Variants in TMCO4 observed in about 807,000 individuals in gnomAD.
The protein encoded by TMCO4 is transmembrane and coiled-coil domain-containing protein 4.
Under a neutral mutation model 64.7 loss-of-function variants are expected in TMCO4, and 58 were observed. The ratio of observed to expected loss-of-function variants is 0.90; its 90% CI spans 0.73 to 1.12. The LOEUF is 1.12. Among genes scored for constraint, TMCO4 ranks in the 50% most tolerant of loss-of-function variants. TMCO4 has a pLI of 0.00. For synonymous variants in TMCO4, 325 were observed against 346.1 expected (o/e 0.94, Z 0.68); for missense variants, 780 against 825.9 (o/e 0.94, Z 0.68).
At chr1:19,759,296 C>CAGCCCT (rs1340041943) in intron 6 of TMCO4, among the ~76,000 whole-genome samples, 2 of 152,044 alleles carry the variant, frequency 1.3e-5, no homozygotes, top group African/African-American at 2.4e-5. Flanking sequence ...GCCACAGCCA[C>CAGCCCT]AGCCCTCGCT....
chr1:19,718,865 G>A (rs1013555338), intron 13 of TMCO4, among the ~76,000 whole-genome samples: 2 of 152,042 alleles, frequency 1.3e-5, no homozygotes, highest in African/African-American at 4.8e-5. Context: ...GAATGCGGCG[G>A]CACCAACTAA....
At chr1:19,730,575 A>G (rs914862835) in intron 13 of TMCO4, among the ~76,000 whole-genome samples, 2 of 152,216 alleles carry the variant, frequency 1.3e-5, no homozygotes, top group Non-Finnish European at 2.9e-5. Context: ...CTCAACACTT[A>G]TTTGAAAGGA....
chr1:19,748,345 T>G (rs2041878962), intron 7 of TMCO4, among the ~76,000 whole-genome samples: 1 of 152,208 alleles, frequency 6.6e-6, no homozygotes, highest in Non-Finnish European at 1.5e-5. Context: ...TTGTAAGGAT[T>G]AAATTCATTC....
intron 10 of TMCO4, among the ~76,000 whole-genome samples, chr1:19,742,867 T>C (rs750033161): frequency 6.6e-6 from 1 of 152,088 alleles, no homozygotes; most frequent in Non-Finnish European, 1.5e-5. Context: ...CTGGCCAACA[T>C]GGTGAAACCC....
intron 13 of TMCO4, among the ~76,000 whole-genome samples, chr1:19,719,592 G>C (rs143964611): frequency 6.6e-6 from 1 of 152,102 alleles, no homozygotes; most frequent in Non-Finnish European, 1.5e-5. Context: ...ACAGTGGTGC[G>C]ATCATAGCCT....
At chr1:19,782,007 G>A (rs947250459) in intron 3 of TMCO4, among the ~76,000 whole-genome samples, 13 of 152,170 alleles carry the variant, frequency 8.5e-5, no homozygotes, top group African/African-American at 3.1e-4. Flanking sequence ...TTTGGAAAAT[G>A]GTTTGACAAT....
chr1:19,700,927 A>G, intron 13 of TMCO4, 42 bp from the exon 14 acceptor site: 1 of 1,560,704 alleles, frequency 6.4e-7, no homozygotes, highest in South Asian at 1.1e-5. Context: ...GTCCCTGGCC[A>G]CATTGGGTGC....
In TMCO4 at chr1:19,739,809, G is replaced by A. The variant is rs774756780; in HGVS notation, c.1179+15C>T. ...TCTTGCTCAATGCCACGCCCACACA[G>A]CCATTCCCAGGTACCTGCTGCCGGG... On this transcript the variant is annotated intron_variant, in intron 12 of 15. Transcript: ENST00000294543. 3.1e-6 allele frequency: 5 copies of A among 1,611,048 alleles called. No individual in the cohort carries two copies. The highest frequency in any genetic ancestry group is 4.2e-6 in the Non-Finnish European group (5 of 1,178,826).
chr1:19,683,141 G>T lies in TMCO4; in HGVS notation c.1804C>A (p.Pro602Thr), dbSNP rs761921772. 1 of 1,614,034 alleles carries T rather than the reference G, an allele frequency of 6.2e-7. No individual in the cohort carries two copies. Among genetic ancestry groups the T allele is most frequent in the South Asian group, 1.1e-5 (1 of 91,076 alleles). The part of the protein sequence containing the change: ...EGASLPAAAS[P>T]ERPPICSHGM... ...TGGCTGCAGATGGGGGGCCTTTCAG[G>T]GCTGGCAGCAGCAGGAAGGGAGGCC... is the stretch of plus-strand genomic sequence containing the variant. The change falls in exon 16 of 16, where the codon CCT (proline) becomes ACT (threonine). Residue 602 changes from proline to threonine, a missense_variant. Physicochemically the swap from Pro to Thr is conservative, Grantham distance 38. Transcript: ENST00000294543.
chr1:19,751,426 T>C (rs2100914046), intron 7 of TMCO4, among the ~76,000 whole-genome samples: 1 of 152,138 alleles, frequency 6.6e-6, no homozygotes, highest in Non-Finnish European at 1.5e-5. Context: ...GGTGAAATGC[T>C]GTCCCTAGAA....
At chr1:19,715,939 C>T (rs1209358124) in intron 13 of TMCO4, among the ~76,000 whole-genome samples, 1 of 152,110 alleles carries the variant, frequency 6.6e-6, no homozygotes, top group East Asian at 1.9e-4. Flanking sequence ...CCCTGGAGTC[C>T]CTGAGATGGA....
chr1:19,771,523 G>C, intron 4 of TMCO4, 41 bp from the exon 5 acceptor site: 1 of 1,599,450 alleles, frequency 6.3e-7, no homozygotes, highest in Non-Finnish European at 8.5e-7. Context: ...GATCCTCAGA[G>C]CTCAGCCTCC....
At chr1:19,771,150 G>T (rs2042961487) in intron 5 of TMCO4, among the ~76,000 whole-genome samples, 158 bp downstream of exon 5, 1 of 152,140 alleles carries the variant, frequency 6.6e-6, no homozygotes, top group African/African-American at 2.4e-5. Flanking sequence ...ATTCAATAAT[G>T]ATAATTCAAC....
At chr1:19,694,352 C>T (rs2095220174) in intron 15 of TMCO4, 82 bp downstream of exon 15, 3 of 1,228,006 alleles carry the variant, frequency 2.4e-6, no homozygotes, top group Non-Finnish European at 3.5e-6. Flanking sequence ...AGGCTGGGGC[C>T]ACTGTCTCCA....
chr1:19,770,150 A>G (rs1398075142), intron 6 of TMCO4, among the ~76,000 whole-genome samples: 2 of 152,198 alleles, frequency 1.3e-5, no homozygotes, highest in Admixed American at 1.3e-4. Flanking sequence ...CTTTGAAAAG[A>G]ACACTCTAGC....
chr1:19,798,049 G>C (rs181127790), intron 2 of TMCO4, 88 bp downstream of exon 2: 1 of 176,892 alleles, frequency 5.7e-6, no homozygotes, highest in Non-Finnish European at 1.1e-5. Flanking sequence ...GCCAGAGCGG[G>C]GTTTTAGGCA....
Position 19,745,535 on chromosome 1 carries a change from A to G in TMCO4, c.874T>C (p.Tyr292His). The change falls in exon 10 of 16, where the codon TAC becomes CAC. Residue 292 changes from tyrosine to histidine, a missense_variant. Transcript: ENST00000294543. Reference protein sequence around the residue: ...AVTGWLASGKYRTFSAPWAAL... With the variant: ...AVTGWLASGKHRTFSAPWAAL... ...TTCTGGTCCTCCTGGTCCTCACGGT[A>G]TTTGCCAGAAGCGAGCCACCCCGTG... 6.2e-7 allele frequency: 1 copy of G among 1,613,926 alleles called. No individual in the cohort carries two copies. The highest frequency in any genetic ancestry group is 1.7e-5 in the Admixed American group (1 of 59,996).
intron 12 of TMCO4, 49 bp from the exon 13 acceptor site, chr1:19,737,505 A>G (rs1026573418): frequency 1.3e-6 from 2 of 1,582,900 alleles, no homozygotes; most frequent in African/African-American, 2.7e-5. Flanking sequence ...TGCCAGTTCT[A>G]GCAAAACATC....
rs1043298155 is a variant in TMCO4 at position 19,734,940 on chromosome 1, C to A, written c.1264+2432G>T. On this transcript the variant is annotated intron_variant, in intron 13 of 15. Transcript: ENST00000294543. This position sits in a 1 kb window ranked among gnomAD's most constrained non-coding sequence, Gnocchi z 4.4. ...CAAGTGCTTGGAACACAGCCTGGCA[C>A]CCGGTGGATCTGCACTAGCTCGTGG... 6.6e-6 allele frequency among the ~76,000 whole-genome samples: 1 copy of A among 152,164 alleles called. No homozygotes were observed. The highest frequency in any genetic ancestry group is 1.5e-5 in the Non-Finnish European group (1 of 68,032).
Sources: gnomAD v4.1 joint callset for allele counts (sites outside exome capture counted in the v4.1 genomes callset) on GRCh38, gnomAD v4.1.1 for gene constraint, Gnocchi (gnomAD v3.1) non-coding constraint, MANE v1.5 for transcripts, NCBI Gene and HGNC (gene_info 2026-07-23, HGNC 2026-07-21) for gene names.